The following SLC35F4 variants were observed in gnomAD, a reference collection of about 807,000 sequenced individuals.
SLC35F4 encodes chromosome 14 open reading frame 36.
A neutral mutation model predicts 44.2 loss-of-function variants in SLC35F4; 24 were observed. The observed-to-expected ratio is 0.54, with a 90% CI of 0.39 to 0.76. The LOEUF is 0.76. Among genes scored for constraint, SLC35F4 ranks in the 30% least tolerant of loss-of-function variants. The pLI is 0.00. For synonymous variants in SLC35F4, 238 were observed against 223.6 expected (o/e 1.06, Z -0.57); for missense variants, 562 against 586.1 (o/e 0.96, Z 0.42).
chr14:57,946,727 T>A (rs868638590), intron 1 of SLC35F4, among the ~76,000 whole-genome samples: 1 of 151,996 alleles, frequency 6.6e-6, no homozygotes, highest in Non-Finnish European at 1.5e-5. Flanking sequence ...CTACCTGCCT[T>A]GGCCTCTCAC....
chr14:57,787,715 T>A (rs1195178601), intron 1 of SLC35F4, among the ~76,000 whole-genome samples: 1 of 152,158 alleles, frequency 6.6e-6, no homozygotes, highest in Non-Finnish European at 1.5e-5. Flanking sequence ...CCTGAGAGAA[T>A]TCGCTATTAC....
At chr14:57,871,610 C>G (rs1051742529) in intron 1 of SLC35F4, among the ~76,000 whole-genome samples, 1 of 152,114 alleles carries the variant, frequency 6.6e-6, no homozygotes, top group Non-Finnish European at 1.5e-5. Flanking sequence ...AAATGCCAAC[C>G]CTGCTGTGGT....
chr14:57,724,036 A>G (rs1363484283), intron 1 of SLC35F4, among the ~76,000 whole-genome samples: 2 of 152,240 alleles, frequency 1.3e-5, no homozygotes, highest in Non-Finnish European at 2.9e-5. Context: ...TCTACAACCA[A>G]AAAAGAGGCA....
At chr14:57,880,074 A>C (rs1019333465) in intron 1 of SLC35F4, among the ~76,000 whole-genome samples, 1 of 128,818 alleles carries the variant, frequency 7.8e-6, no homozygotes, top group Non-Finnish European at 1.7e-5. Flanking sequence ...GGAAGGAAGG[A>C]AGGAAGGAAG....
At chr14:57,976,161 C>A (rs931679470), downstream of SLC35F4, among the ~76,000 whole-genome samples, 14 of 152,164 alleles carry the variant, frequency 9.2e-5, no homozygotes, top group African/African-American at 3.4e-4. Flanking sequence ...TAGGAAGGAA[C>A]CTACAGCAAC....
At chr14:57,675,406 T>G (rs1367001550) in intron 1 of SLC35F4, among the ~76,000 whole-genome samples, 4 of 152,002 alleles carry the variant, frequency 2.6e-5, no homozygotes, top group African/African-American at 9.7e-5. Flanking sequence ...GGATGAGCAT[T>G]TTTTTGGATG....
At chr14:57,954,314 G>A (rs958307788) in intron 1 of SLC35F4, among the ~76,000 whole-genome samples, 1 of 152,140 alleles carries the variant, frequency 6.6e-6, no homozygotes, top group Non-Finnish European at 1.5e-5. Context: ...ATGCCCACAG[G>A]AGAAAGCAGG....
At position 57,859,878 on chromosome 14, in the gene SLC35F4, T is replaced by A. The variant is rs139399098; in HGVS notation, c.103+5845A>T. ...TTGATATAGACATTAGAAGCTGAAA[T>A]GCATAATGAGAAGGAAAAGGCACAT... is the stretch of plus-strand genomic sequence containing the variant. On this transcript the variant is annotated intron_variant, in intron 1 of 7. Transcript: ENST00000556826. Among the ~76,000 whole-genome samples the A allele has an allele frequency of 1.4e-4, 21 of 152,266 alleles. No individual in the cohort carries two copies. In the East Asian group the frequency reaches 4.0e-3, roughly 29 times the overall value.
chr14:57,889,163 G>A (rs73298619), intron 1 of SLC35F4, among the ~76,000 whole-genome samples: 5,366 of 152,214 alleles, frequency 0.035, 320 homozygotes, highest in African/African-American at 0.12. Flanking sequence ...CTATATAAAC[G>A]ATTTGGCTTC....
intron 1 of SLC35F4, among the ~76,000 whole-genome samples, chr14:57,968,520 T>C (rs1880958815): frequency 6.6e-6 from 1 of 152,244 alleles, no homozygotes; most frequent in Non-Finnish European, 1.5e-5. Context: ...AAGTGCAATA[T>C]ACCCTTTCCA....
At chr14:57,815,303 A>G (rs990370869) in intron 1 of SLC35F4, among the ~76,000 whole-genome samples, 3 of 152,226 alleles carry the variant, frequency 2.0e-5, no homozygotes, top group Non-Finnish European at 4.4e-5. Context: ...GCATTTGTGT[A>G]ATTGACTCCT....
chr14:57,738,787 A>ATATATATATATATG lies in SLC35F4; in HGVS notation c.103+126935_103+126936insCATATATATATATA, dbSNP rs1491518109. Among the ~76,000 whole-genome samples, 54 of 96,926 alleles carry ATATATATATATATG rather than the reference A, an allele frequency of 5.6e-4. 2 individuals carry two copies. Among genetic ancestry groups the ATATATATATATATG allele is most frequent in the Middle Eastern group, 6.0e-3 (1 of 168 alleles). 63.6% of individuals were successfully genotyped at this position (96,926 alleles called of 152,430 possible). A position where few individuals can be genotyped will look rare whatever the true frequency, so the allele number is the denominator to read the frequency against. The stretch of plus-strand genomic sequence containing the variant: ...TATATATATATATATATATATATAT[A>ATATATATATATATG]GGCTTCATATGTATACATGTATATA... On this transcript the variant is annotated intron_variant, in intron 1 of 7. Transcript: ENST00000556826.
At chr14:57,825,755 C>T (rs1595151310) in intron 1 of SLC35F4, among the ~76,000 whole-genome samples, 2 of 152,206 alleles carry the variant, frequency 1.3e-5, no homozygotes, top group South Asian at 2.1e-4. Context: ...CATGAATGAA[C>T]TCCCATTCAC....
intron 1 of SLC35F4, among the ~76,000 whole-genome samples, chr14:57,794,717 A>G (rs1249630215): frequency 6.6e-6 from 1 of 151,936 alleles, no homozygotes; most frequent in East Asian, 1.9e-4. Flanking sequence ...TGGCCACTTG[A>G]CCTGGGACAA....
intron 1 of SLC35F4, among the ~76,000 whole-genome samples, chr14:57,674,758 G>A (rs1440624264): frequency 6.6e-6 from 1 of 152,078 alleles, no homozygotes; most frequent in Non-Finnish European, 1.5e-5. Context: ...TGTACCAGTA[G>A]CCAGAGTATC....
intron 1 of SLC35F4, among the ~76,000 whole-genome samples, chr14:57,756,638 C>T (rs902477688): frequency 6.6e-6 from 1 of 151,750 alleles, no homozygotes; most frequent in Non-Finnish European, 1.5e-5. Context: ...TCCTTACTGA[C>T]TTTTTATCTA....
chr14:57,739,742 T>C (rs1281479273), intron 1 of SLC35F4, among the ~76,000 whole-genome samples: 2 of 152,222 alleles, frequency 1.3e-5, no homozygotes, highest in Non-Finnish European at 2.9e-5. Context: ...CTTATCTCAC[T>C]GAGTTTCATC....
At chr14:57,595,054 T>A (rs7143750) in intron 1 of SLC35F4, among the ~76,000 whole-genome samples, 1,748 of 152,302 alleles carry the variant, frequency 0.011, 36 homozygotes, top group African/African-American at 0.04. Context: ...CAAACTTTAT[T>A]TGGATTTTCA....
chr14:57,969,066 G>C (rs1264926256), intron 1 of SLC35F4, among the ~76,000 whole-genome samples: 2 of 152,166 alleles, frequency 1.3e-5, no homozygotes, highest in African/African-American at 4.8e-5. Flanking sequence ...GTCTGAGAAG[G>C]TCATCTGACA....
Sources: allele counts gnomAD v4.1 joint callset (sites outside exome capture counted in the v4.1 genomes callset), GRCh38; gene constraint gnomAD v4.1.1; transcripts MANE v1.5; gene names NCBI Gene and HGNC (gene_info 2026-07-23, HGNC 2026-07-21).